The following SUCLG2 variants were observed in gnomAD, a reference collection of about 807,000 sequenced individuals.
The protein encoded by SUCLG2 is succinate--CoA ligase [GDP-forming] subunit beta, mitochondrial.
SUCLG2 carries 42 observed loss-of-function variants against 47.9 expected under a neutral mutation model. The observed-to-expected ratio is 0.88, with a 90% CI of 0.69 to 1.14. The LOEUF (loss-of-function observed/expected upper bound fraction) is 1.14. Ranked by LOEUF, SUCLG2 falls within the 50% of genes most tolerant of loss-of-function variation. The pLI is 0.00. For missense variants in SUCLG2, 571 were observed against 525.9 expected (o/e 1.09, Z -0.84); for synonymous variants, 195 against 197.3 (o/e 0.99, Z 0.10).
At chr3:67,548,413 T>G (rs1706922774) in intron 2 of SUCLG2, among the ~76,000 whole-genome samples, 1 of 152,234 alleles carries the variant, frequency 6.6e-6, no homozygotes, top group Non-Finnish European at 1.5e-5. Context: ...GCACAACCCA[T>G]CTTATTTTTT....
chr3:67,461,701 A>G (rs1384529724), intron 9 of SUCLG2, among the ~76,000 whole-genome samples: 2 of 152,094 alleles, frequency 1.3e-5, no homozygotes, highest in African/African-American at 2.4e-5. Context: ...GCCAGATGCT[A>G]GTAGCATACC....
chr3:67,401,548 A>G (rs1702683226), intron 9 of SUCLG2, among the ~76,000 whole-genome samples: 1 of 149,894 alleles, frequency 6.7e-6, no homozygotes, highest in Admixed American at 6.8e-5. Flanking sequence ...TTGTTTGTAC[A>G]TATTCCATAT....
At chr3:67,608,471 A>C (rs977830601) in intron 2 of SUCLG2, among the ~76,000 whole-genome samples, 1 of 152,066 alleles carries the variant, frequency 6.6e-6, no homozygotes, top group Non-Finnish European at 1.5e-5. Flanking sequence ...ATGGATCACA[A>C]TTTCCTTTTT....
At chr3:67,601,710 C>G (rs1708421619) in intron 2 of SUCLG2, among the ~76,000 whole-genome samples, 1 of 152,164 alleles carries the variant, frequency 6.6e-6, no homozygotes, top group African/African-American at 2.4e-5. Flanking sequence ...TATAATCTTC[C>G]CAACTTGGCC....
chr3:67,624,736 A>G (rs561233838), intron 1 of SUCLG2, among the ~76,000 whole-genome samples: 2 of 152,226 alleles, frequency 1.3e-5, no homozygotes, highest in African/African-American at 2.4e-5. Context: ...TAGAAGTTAA[A>G]TTCAAGGTGA....
At chr3:67,542,913 G>C (rs1266152665) in intron 2 of SUCLG2, among the ~76,000 whole-genome samples, 3 of 152,136 alleles carry the variant, frequency 2.0e-5, no homozygotes, top group African/African-American at 7.2e-5. Context: ...AGGTCAATGA[G>C]ACAGAAAATT....
rs1706303609 is a variant in SUCLG2, at chr3:67,528,120, T to C, written c.417+12A>G. ...CACATATATAGAAAATGACCCAAAG[T>C]ATCCATATTACCTTGTTAACTTTCA... On this transcript the variant is annotated intron_variant, in intron 4 of 10. Transcript: ENST00000307227. 1 of 1,609,600 alleles carries C rather than the reference T, an allele frequency of 6.2e-7. No homozygotes were observed. Among genetic ancestry groups the C allele is most frequent in the South Asian group, 1.1e-5 (1 of 90,898 alleles).
intron 10 of SUCLG2, among the ~76,000 whole-genome samples, chr3:67,379,186 A>ACC (rs1702098162): frequency 6.6e-6 from 1 of 152,028 alleles, no homozygotes; most frequent in African/African-American, 2.4e-5. Context: ...ACCTCAAGTG[A>ACC]TCCACTTGCC....
intron 9 of SUCLG2, among the ~76,000 whole-genome samples, chr3:67,442,180 T>C (rs1703782924): frequency 6.6e-6 from 1 of 150,562 alleles, no homozygotes; most frequent in African/African-American, 2.4e-5. Context: ...CCGGCTAATT[T>C]TTTGTATTTT....
chr3:67,550,126 C>G (rs1192061859), intron 2 of SUCLG2, among the ~76,000 whole-genome samples: 2 of 152,190 alleles, frequency 1.3e-5, no homozygotes, highest in African/African-American at 4.8e-5. Flanking sequence ...TTCCCTGGGC[C>G]TGGGGCACAT....
intron 10 of SUCLG2, chr3:67,376,346 C>A: frequency 1.0e-6 from 1 of 985,428 alleles, no homozygotes; most frequent in Non-Finnish European, 1.2e-6. Flanking sequence ...ATGAAATGGG[C>A]TGAGCCCTTC....
chr3:67,634,749 CACAGTATCATGA>C (rs1700980238), intron 1 of SUCLG2, among the ~76,000 whole-genome samples: 1 of 152,150 alleles, frequency 6.6e-6, no homozygotes, highest in Admixed American at 6.5e-5. Flanking sequence ...CTTGACAGGG[CACAGTATCATGA>C]AAATGGTATT....
Position 67,601,229 on chromosome 3 carries a change from T to C in SUCLG2, c.226+8226A>G, listed in dbSNP as rs560794137. 3.5e-4 allele frequency among the ~76,000 whole-genome samples: 54 copies of C among 152,310 alleles called. 1 individual carries two copies. Among genetic ancestry groups the C allele is most frequent in the Middle Eastern group, 3.4e-3 (1 of 294 alleles). ...ATACATATGTACACAGAAATTAATA[T>C]TGCTGAATGCATGTGTGCAAAACAA... On this transcript the variant is annotated intron_variant, in intron 2 of 10. Coordinates refer to ENST00000307227, the MANE Select transcript of SUCLG2 (RefSeq NM_003848.4).
intron 10 of SUCLG2, among the ~76,000 whole-genome samples, chr3:67,386,065 A>G (rs1702250928): frequency 6.6e-6 from 1 of 152,166 alleles, no homozygotes; most frequent in African/African-American, 2.4e-5. Flanking sequence ...GAGAATCACC[A>G]TAGTAACAGC....
intron 9 of SUCLG2, among the ~76,000 whole-genome samples, chr3:67,415,911 G>A (rs1703029416): frequency 1.3e-5 from 2 of 152,162 alleles, no homozygotes; most frequent in Admixed American, 1.3e-4. Context: ...AGGGTATTGG[G>A]GCTCCTTCCT....
intron 9 of SUCLG2, among the ~76,000 whole-genome samples, chr3:67,422,026 A>C (rs1703170680): frequency 6.6e-6 from 1 of 152,218 alleles, no homozygotes; most frequent in Non-Finnish European, 1.5e-5. Context: ...CAAGGCAGGA[A>C]GAAGTTTACT....
chr3:67,543,598 G>A lies in SUCLG2; in HGVS notation c.227-14412C>T, dbSNP rs1706777970. Among the ~76,000 whole-genome samples the A allele has an allele frequency of 5.3e-5, 8 of 152,302 alleles. No homozygotes were observed. In the South Asian group the frequency reaches 1.7e-3, roughly 32 times the overall value. On this transcript the variant is annotated intron_variant, in intron 2 of 10. Coordinates refer to ENST00000307227, the MANE Select transcript of SUCLG2 (RefSeq NM_003848.4). ...GAGGATCCCTTGAGCCCAGGAGGTT[G>A]CGGCTGCAGTGAGCCATGATTATGT...
At position 67,397,514 on chromosome 3, in the gene SUCLG2, A is replaced by C. The variant is rs1265438645; in HGVS notation, c.1183+3217T>G. 2.0e-5 allele frequency among the ~76,000 whole-genome samples: 3 copies of C among 152,264 alleles called. No individual in the cohort carries two copies. The East Asian group carries it at 5.8e-4, about 29-fold the overall frequency. On this transcript the variant is annotated intron_variant, in intron 10 of 10. Transcript: ENST00000307227. Reference sequence around the variant, plus strand: ...ACTACAAACCACTGCTCAATGAAATAAAAGATGATATAAACAAATGGAAGA... The same window carrying C: ...ACTACAAACCACTGCTCAATGAAATCAAAGATGATATAAACAAATGGAAGA...
chr3:67,513,425 A>G (rs1705851193), intron 6 of SUCLG2, among the ~76,000 whole-genome samples: 2 of 152,338 alleles, frequency 1.3e-5, no homozygotes, highest in East Asian at 1.9e-4. Context: ...TTTTTTGAGC[A>G]AGACTAAAAC....
Sources: allele counts gnomAD v4.1 joint callset (sites outside exome capture counted in the v4.1 genomes callset), GRCh38; gene constraint gnomAD v4.1.1; transcripts MANE v1.5; gene names NCBI Gene and HGNC (gene_info 2026-07-23, HGNC 2026-07-21).